ANK3: variants seen among roughly 807,000 people sequenced by gnomAD.
ANK3 encodes the protein ankyrin 3.
In ANK3, 57 loss-of-function variants were observed where a neutral mutation model predicts 370.9. That is an observed-to-expected ratio of 0.15 (90% CI 0.12 to 0.19). ANK3 has a LOEUF of 0.19. Among genes scored for constraint, ANK3 ranks in the 10% least tolerant of loss-of-function variants. ANK3 has a pLI of 1.00. For synonymous variants in ANK3, 1,929 were observed against 1,946.3 expected (o/e 0.99, Z 0.23); for missense variants, 4,439 against 5,302.1 (o/e 0.84, Z 5.06).
At position 60,365,955 on chromosome 10, in the gene ANK3, A is replaced by C. The variant is rs1336533436; in HGVS notation, c.114+23470T>G. On this transcript the variant is annotated intron_variant, in intron 1 of 43. Transcript: ENST00000280772. ...AATTACCATATACATACAGCTGTTG[A>C]AACAACTTCACACACATTTAATCTC... Among the ~76,000 whole-genome samples, 3 of 152,220 alleles carry C rather than the reference A, an allele frequency of 2.0e-5. No individual in the cohort carries two copies. In the East Asian group the frequency reaches 5.8e-4, roughly 29 times the overall value.
intron 28 of ANK3, among the ~76,000 whole-genome samples, chr10:60,093,211 C>T (rs546220380): frequency 4.7e-4 from 71 of 152,280 alleles, no homozygotes; most frequent in African/African-American, 1.6e-3. Flanking sequence ...AGAGTGAATT[C>T]CTCAAGTTCA....
chr10:60,391,944 C>A (rs2063120584), upstream of ANK3, among the ~76,000 whole-genome samples: 3 of 152,090 alleles, frequency 2.0e-5, 1 homozygote, highest in Admixed American at 1.3e-4. Context: ...AAAAATAAAT[C>A]CTAAGGTATA....
At chr10:60,346,583 G>C (rs1338327826) in intron 1 of ANK3, among the ~76,000 whole-genome samples, 1 of 151,852 alleles carries the variant, frequency 6.6e-6, no homozygotes, top group Non-Finnish European at 1.5e-5. Flanking sequence ...GGAATACAAA[G>C]AGAGGTTATC....
chr10:60,407,093 T>C (rs1469016733), intron 2 of ANK3, among the ~76,000 whole-genome samples: 1 of 152,234 alleles, frequency 6.6e-6, no homozygotes, highest in East Asian at 1.9e-4. Flanking sequence ...GATTTTCTAC[T>C]CTGTTGTATC....
chr10:60,384,133 A>G (rs1430433370), intron 1 of ANK3, among the ~76,000 whole-genome samples: 1 of 152,180 alleles, frequency 6.6e-6, no homozygotes, highest in Admixed American at 6.5e-5. Context: ...TGCCTGCCTC[A>G]TAGGAAAGTC....
chr10:60,166,042 G>A (rs535901776), intron 23 of ANK3, among the ~76,000 whole-genome samples: 4 of 152,050 alleles, frequency 2.6e-5, no homozygotes, highest in African/African-American at 4.8e-5. Flanking sequence ...AACACATAAA[G>A]TATAGCTACA....
chr10:60,538,113 A>C (rs16915099), intron 2 of ANK3, among the ~76,000 whole-genome samples: 3,631 of 152,012 alleles, frequency 0.024, 172 homozygotes, highest in African/African-American at 0.083. Context: ...TGGGGCCGCC[A>C]ACCATAGTTT....
intron 2 of ANK3, among the ~76,000 whole-genome samples, chr10:60,488,653 G>A (rs1014514496): frequency 6.6e-6 from 1 of 152,076 alleles, no homozygotes; most frequent in Non-Finnish European, 1.5e-5. Flanking sequence ...CATATGAATG[G>A]AATCATAAAT....
rs1187708030 is a variant in ANK3, at chr10:60,063,082, A to G, written c.12595+29T>C. 4 of 1,591,644 alleles carry G rather than the reference A, an allele frequency of 2.5e-6. No homozygotes were observed. In the African/African-American group the frequency reaches 5.4e-5, roughly 21 times the overall value. On this transcript the variant is annotated intron_variant, in intron 40 of 43. Coordinates refer to ENST00000280772, the MANE Select transcript of ANK3 (RefSeq NM_020987.5). ...CACTTTCAAATTTTATCAAATGATTAAATAAATATGAACACTAAATTCGAT... is the reference window on the plus strand; with the variant it reads ...CACTTTCAAATTTTATCAAATGATTGAATAAATATGAACACTAAATTCGAT...
At chr10:60,338,886 A>T (rs1185836983) in intron 1 of ANK3, among the ~76,000 whole-genome samples, 1 of 151,412 alleles carries the variant, frequency 6.6e-6, no homozygotes. Context: ...AATGTAGAAA[A>T]ATTTTAGTTA....
chr10:60,638,080 A>C (rs906486943), intron 1 of ANK3, among the ~76,000 whole-genome samples: 1 of 152,242 alleles, frequency 6.6e-6, no homozygotes, highest in Non-Finnish European at 1.5e-5. Context: ...ACAAGACAGG[A>C]GTGAACTGCA....
chr10:60,242,343 G>A (rs1044381341), intron 7 of ANK3, among the ~76,000 whole-genome samples: 7 of 152,090 alleles, frequency 4.6e-5, no homozygotes, highest in African/African-American at 1.7e-4. Context: ...GGTATTATAT[G>A]TTACATTATA....
intron 29 of ANK3, among the ~76,000 whole-genome samples, chr10:60,087,496 C>T (rs1292961209): frequency 6.6e-6 from 1 of 152,130 alleles, no homozygotes; most frequent in Non-Finnish European, 1.5e-5. Flanking sequence ...CTTAAGTATG[C>T]TTGGCTCAAA....
chr10:60,413,381 C>T (rs1180625113), intron 2 of ANK3, among the ~76,000 whole-genome samples: 1 of 152,192 alleles, frequency 6.6e-6, no homozygotes, highest in African/African-American at 2.4e-5. Flanking sequence ...TCAGCTAAAG[C>T]TCTACAGAAT....
chr10:60,144,807 G>A (rs1197540537), intron 23 of ANK3, among the ~76,000 whole-genome samples: 2 of 152,122 alleles, frequency 1.3e-5, no homozygotes, highest in East Asian at 1.9e-4. Flanking sequence ...CAAGTCAATG[G>A]TCCAGTACAT....
intron 2 of ANK3, among the ~76,000 whole-genome samples, chr10:60,539,562 T>C (rs1451797421): frequency 6.6e-6 from 1 of 151,956 alleles, no homozygotes; most frequent in Non-Finnish European, 1.5e-5. Flanking sequence ...TCTACGAGAT[T>C]AAATTACAAT....
intron 2 of ANK3, among the ~76,000 whole-genome samples, chr10:60,502,439 A>T (rs2075824670): frequency 6.6e-6 from 1 of 152,242 alleles, no homozygotes; most frequent in South Asian, 2.1e-4. Flanking sequence ...GGTCCTCAGG[A>T]TAACAGTGGC....
At chr10:60,558,518 C>G (rs543628838) in intron 2 of ANK3, among the ~76,000 whole-genome samples, 21 of 152,324 alleles carry the variant, frequency 1.4e-4, no homozygotes, top group African/African-American at 5.1e-4. Flanking sequence ...AGACTTTGAA[C>G]CGCTCAGTGC....
intron 8 of ANK3, among the ~76,000 whole-genome samples, chr10:60,220,432 C>G (rs2132483050): frequency 6.6e-6 from 1 of 152,262 alleles, no homozygotes; most frequent in African/African-American, 2.4e-5. Flanking sequence ...TGCCCTCCTC[C>G]TTTTCGGAAT....
Sources: gnomAD v4.1 joint callset for allele counts (sites outside exome capture counted in the v4.1 genomes callset) on GRCh38, gnomAD v4.1.1 for gene constraint, MANE v1.5 for transcripts, NCBI Gene and HGNC (gene_info 2026-07-23, HGNC 2026-07-21) for gene names.